The following SIRT2 variants were observed in gnomAD, a reference collection of about 807,000 sequenced individuals.
SIRT2 encodes the protein sirtuin 2.
SIRT2 carries 40 observed loss-of-function variants against 57.4 expected under a neutral mutation model. That is an observed-to-expected ratio of 0.70 (90% CI 0.54 to 0.91). The LOEUF (loss-of-function observed/expected upper bound fraction) is 0.91, where lower values mean the gene tolerates loss of function less well. Ranked by LOEUF, SIRT2 falls within the 40% of genes least tolerant of loss-of-function variation. The pLI, the probability that SIRT2 is intolerant of heterozygous loss-of-function variation, is 0.00. For missense variants in SIRT2, 439 were observed against 510.4 expected (o/e 0.86, Z 1.35); for synonymous variants, 161 against 195.7 (o/e 0.82, Z 1.48).
In SIRT2 at chr19:38,883,645, G is replaced by A; in HGVS notation, c.613C>T (p.Pro205Ser). 1.2e-6 allele frequency: 2 copies of A among 1,613,994 alleles called. No homozygotes were observed. The highest frequency in any genetic ancestry group is 1.7e-6 in the Non-Finnish European group (2 of 1,179,890). Residue 205 changes from proline to serine, a missense_variant, in exon 9 of 16, where the codon CCG becomes TCG. Transcript: ENST00000249396. ...CVSASCRHEY[P>S]LSWMKEKIFS... ...GCCTCACCTTTCATCCAGCTTAGCG[G>A]GTATTCGTGCCGGCAGCTGGCGCTG...
chr19:38,887,151 C>T (rs182917963), intron 8 of SIRT2, among the ~76,000 whole-genome samples: 123 of 152,170 alleles, frequency 8.1e-4, no homozygotes, highest in Non-Finnish European at 1.3e-3. Context: ...CACCCCCTTT[C>T]CCGAACACAT....
chr19:38,880,437 C>T lies in SIRT2; in HGVS notation c.876+248G>A. ...CTGACCCCTGCACCCCCTCCCACCT[C>T]CTCAGTCCCTGGAAGCCCGGCCTTC... On this transcript the variant is annotated intron_variant, in intron 13 of 15. Transcript: ENST00000249396. The surrounding 1 kb of genome is among the most constrained non-coding windows in gnomAD (Gnocchi z 4.1). The T allele has an allele frequency of 2.2e-6, 1 of 448,204 alleles. No homozygotes were observed. The highest frequency in any genetic ancestry group is 3.9e-6 in the Non-Finnish European group (1 of 254,046). 27.8% of individuals were successfully genotyped at this position (448,204 alleles called of 1,614,324 possible). A position where few individuals can be genotyped will look rare whatever the true frequency, so the allele number is the denominator to read the frequency against.
downstream of SIRT2, chr19:38,878,556 C>T (rs200430651): frequency 1.3e-5 from 2 of 152,392 alleles, no homozygotes; most frequent in South Asian, 4.1e-4. Flanking sequence ...GAGGCCAGAC[C>T]GGATTGTTAG....
chr19:38,893,560 G>C (rs1020591145), intron 3 of SIRT2, 33 bp from the exon 4 acceptor site: 15 of 1,490,168 alleles, frequency 1.0e-5, no homozygotes, highest in African/African-American at 2.8e-5. Flanking sequence ...GCGGCAGGAC[G>C]GGCATTCAGC....
rs750933845 is a variant in SIRT2, at chr19:38,889,879, G to A, written c.351C>T (p.Ala117=). The part of the protein sequence containing the change: ...LEKYHLPYPE[A]IFEISYFKKH... ...CCTTGAAATAGCTGATCTCAAAGAT[G>A]GCCTCTGGGTAGGGAAGATGGTACT... The change falls in exon 6 of 16, where the codon GCC becomes GCT. Residue 117 remains alanine (A), a synonymous_variant. Coordinates refer to ENST00000249396, the MANE Select transcript of SIRT2 (RefSeq NM_012237.4). 20 of 1,614,098 alleles carry A rather than the reference G, an allele frequency of 1.2e-5. 1 individual carries two copies. Among genetic ancestry groups the A allele is most frequent in the Non-Finnish European group, 1.7e-5 (20 of 1,179,956 alleles).
chr19:38,888,653 C>T (rs1156618641), intron 8 of SIRT2, among the ~76,000 whole-genome samples: 1 of 152,210 alleles, frequency 6.6e-6, no homozygotes, highest in Admixed American at 6.6e-5. Context: ...CCTTAAGGCA[C>T]AACATCTACT....
intron 2 of SIRT2, 88 bp downstream of exon 2, chr19:38,898,291 G>T: frequency 9.9e-7 from 1 of 1,007,358 alleles, no homozygotes; most frequent in South Asian, 2.6e-5. Flanking sequence ...GCCCTGGGGT[G>T]ACTGTTTCCC....
intron 2 of SIRT2, among the ~76,000 whole-genome samples, chr19:38,894,646 G>T (rs1244934376): frequency 6.6e-6 from 1 of 152,038 alleles, no homozygotes; most frequent in African/African-American, 2.4e-5. Flanking sequence ...TGATTCCAAT[G>T]CAAAGCCTTG....
At chr19:38,890,756 A>AT (rs1458858020) in intron 4 of SIRT2, 1 of 155,640 alleles carries the variant, frequency 6.4e-6, no homozygotes, top group Non-Finnish European at 1.4e-5. Flanking sequence ...GGACTTGAGA[A>AT]AAGGCCACTT....
chr19:38,898,328 T>A, intron 2 of SIRT2, 51 bp downstream of exon 2: 1 of 1,341,024 alleles, frequency 7.5e-7, no homozygotes, highest in African/African-American at 1.5e-5. Flanking sequence ...CAGTGTGGGA[T>A]GTGGAACAAG....
intron 9 of SIRT2, among the ~76,000 whole-genome samples, chr19:38,882,786 T>C (rs1317950623): frequency 1.3e-5 from 2 of 152,226 alleles, no homozygotes; most frequent in African/African-American, 4.8e-5. Flanking sequence ...TTTAAAATAT[T>C]TCTGCATGGA....
At position 38,899,614 on chromosome 19, in the gene SIRT2, C is replaced by T. The variant is rs1393326677; in HGVS notation, c.-93G>A. ...GTCACCGACTGCTCTGTCCTGTCAC[C>T]GACTGCTCTGTCCCGTGACGGCACC... On this transcript the variant is annotated 5_prime_UTR_variant, in exon 1 of 16. Transcript: ENST00000249396. 8 of 1,542,088 alleles carry T rather than the reference C, an allele frequency of 5.2e-6. No individual in the cohort carries two copies. Among genetic ancestry groups the T allele is most frequent in the Non-Finnish European group, 7.2e-6 (8 of 1,116,586 alleles).
chr19:38,878,726 T>G lies in SIRT2; in HGVS notation c.*429A>C, dbSNP rs551492925. ...AGACTCCCCCTACGCTGGGTGTGGG[T>G]TATATTCAGAGGCCCACACCCACAC... is the stretch of plus-strand genomic sequence containing the variant. On this transcript the variant is annotated 3_prime_UTR_variant, in exon 16 of 16. Transcript: ENST00000249396. 1 of 157,116 alleles carries G rather than the reference T, an allele frequency of 6.4e-6. No homozygotes were observed. The highest frequency in any genetic ancestry group is 1.4e-5 in the Non-Finnish European group (1 of 71,366). The allele number at this position is 157,116 out of a possible 1,614,324, so 9.7% of individuals were successfully genotyped here. A position where few individuals can be genotyped will look rare whatever the true frequency, so the allele number is the denominator to read the frequency against.
intron 6 of SIRT2, 40 bp from the exon 7 acceptor site, chr19:38,889,785 G>A (rs766005923): frequency 6.2e-7 from 1 of 1,614,024 alleles, no homozygotes; most frequent in Admixed American, 1.7e-5. Flanking sequence ...GCCCCAGGTA[G>A]CGTGAGGGTT....
At chr19:38,882,720 T>C (rs1177377436) in intron 9 of SIRT2, among the ~76,000 whole-genome samples, 1 of 152,000 alleles carries the variant, frequency 6.6e-6, no homozygotes, top group Non-Finnish European at 1.5e-5. Context: ...TGTCCATTCA[T>C]TCATTCAGCA....
At chr19:38,893,258 A>C (rs1973601981) in intron 4 of SIRT2, among the ~76,000 whole-genome samples, 156 bp downstream of exon 4, 1 of 152,104 alleles carries the variant, frequency 6.6e-6, no homozygotes, top group African/African-American at 2.4e-5. Context: ...GCTGGATTAG[A>C]GCCAACACAC....
intron 7 of SIRT2, chr19:38,889,430 C>T (rs1300139527): frequency 2.2e-5 from 15 of 672,216 alleles, no homozygotes; most frequent in Non-Finnish European, 3.6e-5. Context: ...GGGCTCTCAA[C>T]GGCATCATTA....
At chr19:38,883,983 C>T (rs1259133246) in intron 8 of SIRT2, among the ~76,000 whole-genome samples, 1 of 152,110 alleles carries the variant, frequency 6.6e-6, no homozygotes, top group Admixed American at 6.6e-5. Flanking sequence ...AGGGGCCAGG[C>T]TGGGCATGGC....
chr19:38,890,698 GA>G (rs58117317), intron 4 of SIRT2: 1,237 of 119,108 alleles, frequency 0.01, 23 homozygotes, highest in Middle Eastern at 0.1. Context: ...TCAAAAAAAG[GA>G]AAAAAAAAAA....
Sources: gnomAD v4.1 joint callset for allele counts (sites outside exome capture counted in the v4.1 genomes callset) on GRCh38, gnomAD v4.1.1 for gene constraint, Gnocchi (gnomAD v3.1) non-coding constraint, MANE v1.5 for transcripts, NCBI Gene and HGNC (gene_info 2026-07-23, HGNC 2026-07-21) for gene names.